ARL3: variants seen among roughly 807,000 people sequenced by gnomAD.
ARL3 encodes the protein ADP-ribosylation factor-like protein 3.
ARL3 carries 9 observed loss-of-function variants against 26.0 expected under a neutral mutation model. The ratio of observed to expected loss-of-function variants is 0.35; its 90% CI spans 0.21 to 0.60. The LOEUF (loss-of-function observed/expected upper bound fraction) is 0.60, where lower values mean the gene tolerates loss of function less well. Ranked by LOEUF, ARL3 falls within the 20% of genes least tolerant of loss-of-function variation. The pLI, the probability that ARL3 is intolerant of heterozygous loss-of-function variation, is 0.78. For synonymous variants in ARL3, 71 were observed against 78.4 expected (o/e 0.91, Z 0.50); for missense variants, 158 against 215.7 (o/e 0.73, Z 1.67).
intron 5 of ARL3, among the ~76,000 whole-genome samples, chr10:102,679,936 C>T (rs1392431294): frequency 3.9e-5 from 6 of 152,138 alleles, no homozygotes. Context: ...CCATACCACT[C>T]TTGCTTTCAC....
chr10:102,678,480 T>C (rs2064140961), intron 5 of ARL3, among the ~76,000 whole-genome samples: 1 of 152,108 alleles, frequency 6.6e-6, no homozygotes, highest in South Asian at 2.1e-4. Context: ...ATGAATAAGA[T>C]AAGCATCTTC....
intron 3 of ARL3, among the ~76,000 whole-genome samples, chr10:102,691,272 C>T (rs1349050137): frequency 8.9e-6 from 1 of 112,834 alleles, no homozygotes; most frequent in South Asian, 3.8e-4. Flanking sequence ...TCCCTCCCCC[C>T]TCCCCCCACC....
intron 2 of ARL3, among the ~76,000 whole-genome samples, chr10:102,704,366 G>A (rs780779738): frequency 6.6e-6 from 1 of 151,966 alleles, no homozygotes; most frequent in Non-Finnish European, 1.5e-5. Context: ...TAGGCTGGGT[G>A]TGGTGGCTCA....
intron 3 of ARL3, among the ~76,000 whole-genome samples, chr10:102,699,167 G>A (rs925036037): frequency 6.6e-5 from 10 of 152,180 alleles, no homozygotes; most frequent in Non-Finnish European, 1.2e-4. Flanking sequence ...GTACAACATT[G>A]TTACTGAGCG....
At chr10:102,695,169 A>C (rs1396426717) in intron 3 of ARL3, among the ~76,000 whole-genome samples, 1 of 152,230 alleles carries the variant, frequency 6.6e-6, no homozygotes, top group Non-Finnish European at 1.5e-5. Context: ...TCCCCAAAGT[A>C]ACTTGCTGTG....
At chr10:102,678,607 T>C (rs1025208855) in intron 5 of ARL3, among the ~76,000 whole-genome samples, 1 of 152,208 alleles carries the variant, frequency 6.6e-6, no homozygotes, top group African/African-American at 2.4e-5. Context: ...AGGCTCGCAC[T>C]CAAACCATCT....
chr10:102,705,345 C>T lies in ARL3; in HGVS notation c.147+1G>A, dbSNP rs1461814590. The T allele has an allele frequency of 6.3e-7, 1 of 1,588,830 alleles. No individual in the cohort carries two copies. Among genetic ancestry groups the T allele is most frequent in the Non-Finnish European group, 8.6e-7 (1 of 1,162,604 alleles). ...GCATCTGGAGCCAAGGCAGTGCTCA[C>T]CTGTGTAGGTGTGATGTGGCTGATG... On this transcript the variant is annotated splice_donor_variant, in intron 2 of 5. Transcript: ENST00000260746. LOFTEE classifies it high-confidence loss of function.
chr10:102,686,076 T>C, intron 4 of ARL3, 75 bp from the exon 5 acceptor site: 3 of 1,262,252 alleles, frequency 2.4e-6, no homozygotes, highest in Admixed American at 2.4e-5. Context: ...CACTACTTTT[T>C]TTTTTTTTTT....
At chr10:102,714,014 C>A (rs2064365237) in intron 1 of ARL3, among the ~76,000 whole-genome samples, 2 of 152,234 alleles carry the variant, frequency 1.3e-5, no homozygotes, top group African/African-American at 4.8e-5. Flanking sequence ...CCGCACCCGG[C>A]CAGCCGCGCA....
At chr10:102,696,304 C>T (rs557053890) in intron 3 of ARL3, among the ~76,000 whole-genome samples, 66 of 139,486 alleles carry the variant, frequency 4.7e-4, no homozygotes, top group African/African-American at 1.7e-3. Context: ...CTTGGTCTGT[C>T]GCCAAAGCTG....
intron 1 of ARL3, among the ~76,000 whole-genome samples, chr10:102,709,107 T>C (rs1408773146): frequency 6.6e-6 from 1 of 151,202 alleles, no homozygotes; most frequent in Non-Finnish European, 1.5e-5. Flanking sequence ...GGTTTCACTA[T>C]GTTGCCCAAG....
At chr10:102,682,880 T>C (rs759911235) in intron 5 of ARL3, among the ~76,000 whole-genome samples, 1 of 152,076 alleles carries the variant, frequency 6.6e-6, no homozygotes, top group African/African-American at 2.4e-5. Context: ...GCCTAATCAT[T>C]TGGGCCAGCT....
chr10:102,701,887 T>C (rs2064281448), intron 2 of ARL3, among the ~76,000 whole-genome samples: 2 of 152,096 alleles, frequency 1.3e-5, no homozygotes, highest in Admixed American at 6.6e-5. Flanking sequence ...TGATCTATTA[T>C]TAAGTGAACA....
At chr10:102,707,352 A>G (rs1268064506) in intron 1 of ARL3, among the ~76,000 whole-genome samples, 1 of 152,162 alleles carries the variant, frequency 6.6e-6, no homozygotes, top group East Asian at 1.9e-4. Flanking sequence ...TAAATAAACC[A>G]TGTTGATTTT....
intron 2 of ARL3, among the ~76,000 whole-genome samples, chr10:102,702,655 CA>C (rs771171571): frequency 2.6e-5 from 4 of 151,950 alleles, no homozygotes; most frequent in Admixed American, 2.6e-4. Flanking sequence ...AAAACAAAAA[CA>C]AAAAAACCCC....
intron 5 of ARL3, 127 bp downstream of exon 5, chr10:102,685,689 A>C: frequency 9.2e-7 from 1 of 1,087,852 alleles, no homozygotes; most frequent in Non-Finnish European, 1.3e-6. Context: ...GAAAAGAACC[A>C]AATTCCTCCA....
chr10:102,690,681 C>T (rs1315487260), intron 3 of ARL3, among the ~76,000 whole-genome samples: 1 of 152,078 alleles, frequency 6.6e-6, no homozygotes, highest in Admixed American at 6.6e-5. Flanking sequence ...CTTGAAAAGA[C>T]ATTTATATCT....
intron 4 of ARL3, among the ~76,000 whole-genome samples, chr10:102,686,455 T>C (rs1417316467): frequency 1.3e-5 from 2 of 150,470 alleles, no homozygotes; most frequent in East Asian, 2.0e-4. Flanking sequence ...CTCAAACTTT[T>C]TTTTTTCTTT....
intron 1 of ARL3, among the ~76,000 whole-genome samples, chr10:102,707,376 A>G (rs556274701): frequency 6.6e-6 from 1 of 152,098 alleles, no homozygotes; most frequent in African/African-American, 2.4e-5. Flanking sequence ...TTAAGAACAT[A>G]AGAACATCTT....
Sources: allele counts gnomAD v4.1 joint callset (sites outside exome capture counted in the v4.1 genomes callset), GRCh38; gene constraint gnomAD v4.1.1; transcripts MANE v1.5; gene names NCBI Gene and HGNC (gene_info 2026-07-23, HGNC 2026-07-21).